The following MYLK4 variants were observed in gnomAD, a reference collection of about 807,000 sequenced individuals.
MYLK4 encodes the protein myosin light chain kinase family member 4, also known as caMLCK like.
In MYLK4, 46 loss-of-function variants were observed where a neutral mutation model predicts 48.1. The ratio of observed to expected loss-of-function variants is 0.96; its 90% CI spans 0.75 to 1.22. The LOEUF is 1.22. Ranked by LOEUF, MYLK4 falls within the 50% of genes most tolerant of loss-of-function variation. MYLK4 has a pLI of 0.00. For synonymous variants in MYLK4, 170 were observed against 180.8 expected (o/e 0.94, Z 0.48); for missense variants, 451 against 486.1 (o/e 0.93, Z 0.68).
chr6:2,719,908 C>T (rs4959208), intron 2 of MYLK4, among the ~76,000 whole-genome samples: 4 of 152,066 alleles, frequency 2.6e-5, no homozygotes, highest in Non-Finnish European at 4.4e-5. Context: ...GAGGCTGAGG[C>T]GGGTGGATCA....
At chr6:2,739,483 T>A (rs1763814697) in intron 2 of MYLK4, among the ~76,000 whole-genome samples, 1 of 152,208 alleles carries the variant, frequency 6.6e-6, no homozygotes, top group Admixed American at 6.5e-5. Flanking sequence ...TTACAACCTG[T>A]GGGTCAGAGC....
At chr6:2,750,206 T>G (rs1448935524) in intron 1 of MYLK4, among the ~76,000 whole-genome samples, 1 of 152,188 alleles carries the variant, frequency 6.6e-6, no homozygotes, top group Non-Finnish European at 1.5e-5. Flanking sequence ...AAGCGCCTCT[T>G]CGAGCATTTT....
chr6:2,718,602 A>C (rs6596904), intron 2 of MYLK4, among the ~76,000 whole-genome samples: 129,770 of 152,224 alleles, frequency 0.85, 55,409 homozygotes, highest in Admixed American at 0.89. Flanking sequence ...TTTCAGAGAC[A>C]TTGGCTATAA....
rs974834398 is a variant in MYLK4, at chr6:2,688,883, G to C, written c.309C>G (p.Phe103Leu). ...GGATTTCTGTCTTGCTCACAGTATA[G>C]AAGCTGTTGACCGCTCCTTGCTTGG... ...VTAKQGAVNSFYTVSKTEILG... is the reference protein window; with the variant it reads ...VTAKQGAVNSLYTVSKTEILG... The change falls in exon 4 of 13, where the codon TTC becomes TTG. Residue 103 changes from phenylalanine to leucine, a missense_variant. Physicochemically the swap from Phe to Leu is conservative, Grantham distance 22. Transcript: ENST00000274643. 9 of 1,614,074 alleles carry C rather than the reference G, an allele frequency of 5.6e-6. No individual in the cohort carries two copies. The African/African-American group carries it at 9.3e-5, about 17-fold the overall frequency.
intron 9 of MYLK4, among the ~76,000 whole-genome samples, chr6:2,678,658 C>T (rs1469213132): frequency 6.6e-6 from 1 of 151,376 alleles, no homozygotes; most frequent in Non-Finnish European, 1.5e-5. Flanking sequence ...ATGGCAAACG[C>T]TAGGCATGTC....
At chr6:2,765,802 G>A in the MYLK4 span, 1 of 1,370,546 alleles carries the variant, frequency 7.3e-7, no homozygotes, top group South Asian at 1.7e-5. Flanking sequence ...CCGGGGAGCG[G>A]GCCAAGGGGC....
At chr6:2,703,804 G>A (rs1762391013) in intron 2 of MYLK4, among the ~76,000 whole-genome samples, 1 of 150,576 alleles carries the variant, frequency 6.6e-6, no homozygotes, top group Non-Finnish European at 1.5e-5. Context: ...CCAAGTAGCT[G>A]GGACTATAGG....
the MYLK4 span, among the ~76,000 whole-genome samples, chr6:2,765,076 G>C: frequency 3.9e-4 from 59 of 152,004 alleles, no homozygotes; most frequent in East Asian, 9.5e-3. Flanking sequence ...CAACAACCTC[G>C]CGCAGTCCGT....
intron 2 of MYLK4, among the ~76,000 whole-genome samples, chr6:2,719,429 G>T (rs1582091776): frequency 6.6e-6 from 1 of 152,044 alleles, no homozygotes; most frequent in East Asian, 1.9e-4. Context: ...AGTCAAAAGA[G>T]GGCCACCCTT....
chr6:2,720,407 CAA>C (rs60764100), intron 2 of MYLK4, among the ~76,000 whole-genome samples: 128,082 of 150,080 alleles, frequency 0.85, 54,563 homozygotes, highest in Admixed American at 0.89. Flanking sequence ...CATCTAAAAA[CAA>C]AAAAAAAAAA....
At chr6:2,708,931 T>C (rs1157119544) in intron 2 of MYLK4, among the ~76,000 whole-genome samples, 1 of 152,222 alleles carries the variant, frequency 6.6e-6, no homozygotes, top group Non-Finnish European at 1.5e-5. Context: ...TTGTCCCCAT[T>C]CTTTTAGAAG....
intron 6 of MYLK4, among the ~76,000 whole-genome samples, chr6:2,683,366 A>T: frequency 6.7e-6 from 1 of 149,424 alleles, no homozygotes; most frequent in Non-Finnish European, 1.5e-5. Flanking sequence ...ACAAATGGAA[A>T]TCCTCAAGCC....
At position 2,665,764 on chromosome 6, in the gene MYLK4, CCT is replaced by C. The variant is rs1304255934; in HGVS notation, c.*2159_*2160del. On this transcript the variant is annotated 3_prime_UTR_variant, in exon 13 of 13. Transcript: ENST00000274643. ...GCCACGAGGGGCTTCAAATCAGACC[CCT>C]GTGTCCTGTTTAGCATTTGAGTGAA... 4 of 152,182 alleles carry C rather than the reference CCT, an allele frequency of 2.6e-5. No homozygotes were observed. Among genetic ancestry groups the C allele is most frequent in the Admixed American group, 6.5e-5 (1 of 15,278 alleles). The allele number at this position is 152,182 out of a possible 1,614,324, so 9.4% of individuals were successfully genotyped here. A position where few individuals can be genotyped will look rare whatever the true frequency, so the allele number is the denominator to read the frequency against.
intron 2 of MYLK4, among the ~76,000 whole-genome samples, chr6:2,704,172 G>A (rs1353746979): frequency 1.3e-5 from 2 of 152,168 alleles, no homozygotes; most frequent in South Asian, 2.1e-4. Context: ...TTAGAAGGTC[G>A]GGTTGGGGGA....
chr6:2,725,693 G>A lies in MYLK4; in HGVS notation c.159+23443C>T, dbSNP rs74294804. ...AGAAAAATTTTAAAAAGAATATCCT[G>A]TAGATAAGTAGAATGTAAAGCTTAT... On this transcript the variant is annotated intron_variant, in intron 2 of 12. Transcript: ENST00000274643. Among the ~76,000 whole-genome samples the A allele has an allele frequency of 1.1e-4, 17 of 152,278 alleles. No individual in the cohort carries two copies. The East Asian group carries it at 3.1e-3, about 28-fold the overall frequency.
At chr6:2,770,110 C>T in the MYLK4 span, 1 of 1,613,990 alleles carries the variant, frequency 6.2e-7, no homozygotes, top group East Asian at 2.2e-5. Flanking sequence ...TGTTTTCCTC[C>T]CATGATTAGG....
chr6:2,682,555 G>A (rs1582036859), intron 7 of MYLK4, among the ~76,000 whole-genome samples: 2 of 152,076 alleles, frequency 1.3e-5, no homozygotes, highest in East Asian at 3.9e-4. Context: ...TATTCCACAG[G>A]GCAGCAAACC....
intron 2 of MYLK4, among the ~76,000 whole-genome samples, chr6:2,747,962 C>T (rs897834764): frequency 2.0e-5 from 3 of 152,192 alleles, no homozygotes; most frequent in Admixed American, 1.3e-4. Context: ...ATGTTTCAAT[C>T]TGATTCATTT....
the MYLK4 span, among the ~76,000 whole-genome samples, chr6:2,759,258 A>T: frequency 6.6e-6 from 1 of 152,072 alleles, no homozygotes; most frequent in Non-Finnish European, 1.5e-5. Flanking sequence ...GCACAATACC[A>T]CGCCAAGCTA....
Sources: allele counts gnomAD v4.1 joint callset (sites outside exome capture counted in the v4.1 genomes callset), GRCh38; gene constraint gnomAD v4.1.1; transcripts MANE v1.5; gene names NCBI Gene and HGNC (gene_info 2026-07-23, HGNC 2026-07-21).